Variants in OC90 observed in about 807,000 individuals in gnomAD.
OC90 encodes the protein otoconin 90, also known as otoconin-90.
In OC90, 46 loss-of-function variants were observed where a neutral mutation model predicts 47.3. The observed-to-expected ratio is 0.97, with a 90% CI of 0.77 to 1.24. The LOEUF (loss-of-function observed/expected upper bound fraction) is 1.24. OC90 is among the 50% of genes most tolerant of loss of function. OC90 has a pLI of 0.00. For missense variants in OC90, 688 were observed against 583.9 expected (o/e 1.18, Z -1.84); for synonymous variants, 271 against 219.5 (o/e 1.23, Z -2.07).
chr8:132,029,264 C>T (rs1182930431), intron 12 of OC90, 85 bp from the exon 13 acceptor site: 10 of 1,044,676 alleles, frequency 9.6e-6, no homozygotes, highest in Non-Finnish European at 1.5e-5. Flanking sequence ...CTCCCACATA[C>T]CCTATAGTAG....
chr8:132,049,332 C>A (rs1185114146), intron 2 of OC90, among the ~76,000 whole-genome samples: 1 of 146,872 alleles, frequency 6.8e-6, no homozygotes, highest in Non-Finnish European at 1.5e-5. Context: ...AATCAAGGCT[C>A]TTGGGGAAGC....
At chr8:132,053,633 C>T (rs1823245763) in intron 2 of OC90, among the ~76,000 whole-genome samples, 1 of 152,194 alleles carries the variant, frequency 6.6e-6, no homozygotes, top group Non-Finnish European at 1.5e-5. Flanking sequence ...TCCTCAGGTC[C>T]CTTCTCAGAG....
intron 13 of OC90, among the ~76,000 whole-genome samples, chr8:132,025,838 C>T (rs1822749339): frequency 6.6e-6 from 1 of 152,214 alleles, no homozygotes; most frequent in Admixed American, 6.5e-5. Flanking sequence ...AGTAGCACTG[C>T]TGGACAGAGA....
intron 1 of OC90, among the ~76,000 whole-genome samples, chr8:132,059,036 C>T (rs1586719015): frequency 6.6e-6 from 1 of 151,758 alleles, no homozygotes. Flanking sequence ...CTCCCTTCCT[C>T]CCTCTTTCCC....
At chr8:132,040,931 C>T in intron 6 of OC90, 113 bp downstream of exon 6, 4 of 712,310 alleles carry the variant, frequency 5.6e-6, no homozygotes, top group East Asian at 2.5e-5. Context: ...AACGATGCTG[C>T]CAGTGGTGAC....
chr8:132,049,571 T>C lies in OC90; in HGVS notation c.47-3688A>G, dbSNP rs79255173. 3.4e-3 allele frequency among the ~76,000 whole-genome samples: 519 copies of C among 152,322 alleles called. 1 individual carries two copies. Among genetic ancestry groups the C allele is most frequent in the Non-Finnish European group, 4.9e-3 (335 of 68,020 alleles). Reference sequence around the variant, plus strand: ...AGCCATGATATCTCCCACCCTTTCATTCTCTGAAGATGTAAAAGTGTGTCT... The same window carrying C: ...AGCCATGATATCTCCCACCCTTTCACTCTCTGAAGATGTAAAAGTGTGTCT... On this transcript the variant is annotated intron_variant, in intron 2 of 13. Transcript: ENST00000254627.
intron 4 of OC90, 120 bp downstream of exon 4, chr8:132,044,313 G>A: frequency 1.5e-6 from 1 of 652,908 alleles, no homozygotes; most frequent in Non-Finnish European, 2.8e-6. Flanking sequence ...CTTGTTGGGA[G>A]GTAGCTGTGG....
At chr8:132,038,705 G>T in intron 8 of OC90, 85 bp downstream of exon 8, 2 of 1,039,888 alleles carry the variant, frequency 1.9e-6, no homozygotes, top group East Asian at 2.4e-5. Flanking sequence ...AGTGAGGCAG[G>T]CCTGGTGGAG....
chr8:132,042,499 C>G (rs1430928562), intron 4 of OC90, among the ~76,000 whole-genome samples: 3 of 152,164 alleles, frequency 2.0e-5, no homozygotes, highest in Non-Finnish European at 4.4e-5. Flanking sequence ...GCGCAGTACC[C>G]AACCGGGGTT....
intron 2 of OC90, among the ~76,000 whole-genome samples, chr8:132,050,309 G>T (rs1823195085): frequency 1.3e-5 from 2 of 152,168 alleles, no homozygotes; most frequent in African/African-American, 2.4e-5. Context: ...AAGGTTCTAA[G>T]TAGGCACAGT....
intron 1 of OC90, among the ~76,000 whole-genome samples, chr8:132,059,007 A>T (rs1483094833): frequency 2.7e-5 from 4 of 150,226 alleles, no homozygotes; most frequent in Non-Finnish European, 4.4e-5. Context: ...TTATCTCCTC[A>T]TTTCCCCTCC....
intron 13 of OC90, among the ~76,000 whole-genome samples, chr8:132,026,332 C>T (rs1342598025): frequency 1.3e-5 from 2 of 152,148 alleles, no homozygotes; most frequent in East Asian, 3.9e-4. Context: ...AAATGTTCAT[C>T]AACCAGATTT....
chr8:132,047,031 T>C (rs1181347522), intron 2 of OC90, among the ~76,000 whole-genome samples: 3 of 152,226 alleles, frequency 2.0e-5, no homozygotes, highest in Non-Finnish European at 2.9e-5. Context: ...GCAAGATCCC[T>C]GGCCACAGAT....
intron 3 of OC90, 26 bp downstream of exon 3, chr8:132,045,792 C>T (rs73350985): frequency 7.2e-7 from 1 of 1,395,862 alleles, no homozygotes; most frequent in South Asian, 1.2e-5. Flanking sequence ...TACTCTGCTC[C>T]TAAGAAAAGT....
At position 132,028,714 on chromosome 8, in the gene OC90, AAGAAAGAAAG is replaced by A. The variant is rs1397798494; in HGVS notation, c.1138+349_1138+358del. On this transcript the variant is annotated intron_variant, in intron 13 of 13. Coordinates refer to ENST00000254627, the MANE Select transcript of OC90 (RefSeq NM_001080399.3). The stretch of plus-strand genomic sequence containing the variant: ...AAAGAAAGAAAGAGAGACAGAAAGA[AAGAAAGAAAG>A]AGAAAGAAAGAAAGGAAGGAAGAAA... Among the ~76,000 whole-genome samples the A allele has an allele frequency of 6.7e-5, 10 of 148,528 alleles. 1 individual carries two copies. Among genetic ancestry groups the A allele is most frequent in the Middle Eastern group, 3.4e-3 (1 of 290 alleles).
chr8:132,055,589 C>T (rs984331863), intron 1 of OC90, among the ~76,000 whole-genome samples: 3 of 152,234 alleles, frequency 2.0e-5, no homozygotes, highest in South Asian at 2.1e-4. Context: ...AACCTTTCAA[C>T]GATCACTTGA....
intron 2 of OC90, among the ~76,000 whole-genome samples, chr8:132,050,600 G>A (rs1011486767): frequency 3.3e-5 from 5 of 152,160 alleles, no homozygotes; most frequent in African/African-American, 1.2e-4. Context: ...TGAGACTTCG[G>A]GCACGTGTTC....
intron 4 of OC90, among the ~76,000 whole-genome samples, chr8:132,042,249 A>G (rs920016811): frequency 3.9e-5 from 6 of 152,210 alleles, no homozygotes; most frequent in African/African-American, 2.4e-5. Flanking sequence ...CAATATGTTC[A>G]GGGTAGCAGT....
chr8:132,024,286 T>C lies in OC90; in HGVS notation c.*195A>G. On this transcript the variant is annotated 3_prime_UTR_variant, in exon 14 of 14. Coordinates refer to ENST00000254627, the MANE Select transcript of OC90 (RefSeq NM_001080399.3). ...CATGGAGGTACCATGGTGTGCCTTC[T>C]CCAAGTGTACATTGGCTTGTGAGGT... is the stretch of plus-strand genomic sequence containing the variant. The C allele has an allele frequency of 5.9e-6, 3 of 508,180 alleles. No individual in the cohort carries two copies. The South Asian group carries it at 1.3e-4, about 21-fold the overall frequency. The allele number at this position is 508,180 out of a possible 1,614,324, so 31.5% of individuals were successfully genotyped here. A position where few individuals can be genotyped will look rare whatever the true frequency, so the allele number is the denominator to read the frequency against.
Sources: gnomAD v4.1 joint callset for allele counts (sites outside exome capture counted in the v4.1 genomes callset) on GRCh38, gnomAD v4.1.1 for gene constraint, MANE v1.5 for transcripts, NCBI Gene and HGNC (gene_info 2026-07-23, HGNC 2026-07-21) for gene names.